Variants in KCNIP3 observed in about 807,000 individuals in gnomAD.
The protein encoded by KCNIP3 is calsenilin.
In KCNIP3, 28 loss-of-function variants were observed where a neutral mutation model predicts 35.0. The observed-to-expected ratio is 0.80, with a 90% CI of 0.59 to 1.10. The LOEUF (loss-of-function observed/expected upper bound fraction) is 1.10. Among genes scored for constraint, KCNIP3 ranks in the 50% least tolerant of loss-of-function variants. The pLI is 0.00. For synonymous variants in KCNIP3, 134 were observed against 133.8 expected (o/e 1.00, Z -0.01); for missense variants, 295 against 338.4 (o/e 0.87, Z 1.01).
chr2:95,298,228 C>CT (rs1677925509), intron 1 of KCNIP3, among the ~76,000 whole-genome samples: 1 of 151,444 alleles, frequency 6.6e-6, no homozygotes, highest in Non-Finnish European at 1.5e-5. Context: ...CAGGATAGTT[C>CT]AGGTCTGGCT....
At chr2:95,299,695 C>T (rs539302307) in intron 1 of KCNIP3, among the ~76,000 whole-genome samples, 4 of 152,358 alleles carry the variant, frequency 2.6e-5, no homozygotes, top group Admixed American at 1.3e-4. Flanking sequence ...CAGCTCAGCC[C>T]GTGCACTGGG....
intron 1 of KCNIP3, among the ~76,000 whole-genome samples, chr2:95,304,610 C>T (rs1325703922): frequency 1.3e-5 from 2 of 152,208 alleles, no homozygotes; most frequent in East Asian, 3.9e-4. Flanking sequence ...CCCCAGGGAC[C>T]CTGGCAAGCT....
rs1000670288 is a variant in KCNIP3 at position 95,376,187 on chromosome 2, G to A, written c.447+979G>A. ...TGAAATACCAACCCCACAGCACACA[G>A]AAAACACCCGGTTAGCATGGAGGAG... On this transcript the variant is annotated intron_variant, in intron 5 of 8. Coordinates refer to ENST00000295225, the MANE Select transcript of KCNIP3 (RefSeq NM_013434.5). The surrounding 1 kb of genome is among the most constrained non-coding windows in gnomAD (Gnocchi z 4.2). Among the ~76,000 whole-genome samples, 3 of 152,188 alleles carry A rather than the reference G, an allele frequency of 2.0e-5. No individual in the cohort carries two copies. Among genetic ancestry groups the A allele is most frequent in the African/African-American group, 7.2e-5 (3 of 41,442 alleles).
At chr2:95,325,929 A>AGG (rs1160081747) in intron 2 of KCNIP3, among the ~76,000 whole-genome samples, 7 of 149,632 alleles carry the variant, frequency 4.7e-5, no homozygotes, top group African/African-American at 1.8e-4. Flanking sequence ...ACACACTCAT[A>AGG]CACATACACA....
intron 2 of KCNIP3, among the ~76,000 whole-genome samples, chr2:95,365,772 T>C (rs1679903376): frequency 6.6e-6 from 1 of 152,148 alleles, no homozygotes; most frequent in Non-Finnish European, 1.5e-5. Context: ...CCTTGACCCA[T>C]TTACAGCCTC....
intron 2 of KCNIP3, among the ~76,000 whole-genome samples, chr2:95,327,699 G>A (rs1017386324): frequency 1.3e-5 from 2 of 152,300 alleles, no homozygotes; most frequent in South Asian, 2.1e-4. Context: ...CGTCACCATC[G>A]CCCCCATCTT....
intron 2 of KCNIP3, among the ~76,000 whole-genome samples, chr2:95,327,378 C>T (rs1371211853): frequency 6.6e-6 from 1 of 152,176 alleles, no homozygotes; most frequent in Non-Finnish European, 1.5e-5. Context: ...CACACATTCA[C>T]ACACACGCAC....
intron 2 of KCNIP3, among the ~76,000 whole-genome samples, chr2:95,362,210 G>A (rs1326034811): frequency 1.1e-4 from 17 of 151,838 alleles, no homozygotes; most frequent in Admixed American, 1.0e-3. Context: ...GGGTTCAAGC[G>A]ATTCTCCTGC....
At position 95,382,815 on chromosome 2, in the gene KCNIP3, T is replaced by C. The variant is rs1680382471; in HGVS notation, c.660+334T>C. 6.6e-6 allele frequency among the ~76,000 whole-genome samples: 1 copy of C among 152,206 alleles called. No individual in the cohort carries two copies. The highest frequency in any genetic ancestry group is 1.5e-5 in the Non-Finnish European group (1 of 68,030). On this transcript the variant is annotated intron_variant, in intron 7 of 8. Transcript: ENST00000295225. The surrounding 1 kb of genome is among the most constrained non-coding windows in gnomAD (Gnocchi z 4.5). ...GGTTGGGGGCCTTCACCTGTATGCATGGCGGCTGCAGGGGCTGCAGGCTTT... is the reference window on the plus strand; with the variant it reads ...GGTTGGGGGCCTTCACCTGTATGCACGGCGGCTGCAGGGGCTGCAGGCTTT...
chr2:95,335,346 G>T (rs1679036262), intron 2 of KCNIP3, among the ~76,000 whole-genome samples: 1 of 152,176 alleles, frequency 6.6e-6, no homozygotes, highest in Non-Finnish European at 1.5e-5. Flanking sequence ...TTTTTGCTGG[G>T]TATAGATTTC....
chr2:95,310,899 C>T (rs1029005359), intron 2 of KCNIP3: 28 of 301,938 alleles, frequency 9.3e-5, no homozygotes, highest in African/African-American at 6.0e-4. Context: ...CGTGAGAAGC[C>T]AGGCTGGAAC....
intron 2 of KCNIP3, among the ~76,000 whole-genome samples, chr2:95,320,430 G>T (rs1678564782): frequency 6.6e-6 from 1 of 152,086 alleles, no homozygotes; most frequent in Non-Finnish European, 1.5e-5. Flanking sequence ...AGGGTGTGGT[G>T]GGGTGTGGGC....
chr2:95,373,687 G>T (rs929708327), intron 2 of KCNIP3, among the ~76,000 whole-genome samples: 3 of 152,122 alleles, frequency 2.0e-5, no homozygotes, highest in African/African-American at 7.2e-5. Flanking sequence ...CAAAGTGCTG[G>T]GATTACAGGT....
chr2:95,313,325 A>T (rs1177232571), intron 2 of KCNIP3: 1 of 152,326 alleles, frequency 6.6e-6, no homozygotes, highest in Non-Finnish European at 1.5e-5. Flanking sequence ...CAAGGGCTAG[A>T]GCATCTGTGG....
intron 2 of KCNIP3, among the ~76,000 whole-genome samples, chr2:95,349,596 G>T (rs2104270612): frequency 1.3e-5 from 2 of 152,298 alleles, no homozygotes; most frequent in South Asian, 4.1e-4. Context: ...TTGATCCATG[G>T]ACAAGGGGGC....
intron 1 of KCNIP3, among the ~76,000 whole-genome samples, chr2:95,309,957 C>T (rs1239640323): frequency 6.6e-6 from 1 of 152,178 alleles, no homozygotes; most frequent in Non-Finnish European, 1.5e-5. Flanking sequence ...GCTGTGTGAC[C>T]CTGTACAGAT....
intron 2 of KCNIP3, among the ~76,000 whole-genome samples, chr2:95,355,461 C>T (rs1679633928): frequency 1.3e-5 from 2 of 152,164 alleles, no homozygotes; most frequent in African/African-American, 4.8e-5. Flanking sequence ...TCATCATTTA[C>T]ATTAGGTATT....
intron 1 of KCNIP3, among the ~76,000 whole-genome samples, chr2:95,305,442 A>G (rs1010083734): frequency 5.3e-5 from 8 of 152,182 alleles, no homozygotes; most frequent in Non-Finnish European, 8.8e-5. Flanking sequence ...CTACAACACA[A>G]TAGCACAACT....
chr2:95,301,957 T>A (rs1484656422), intron 1 of KCNIP3, among the ~76,000 whole-genome samples: 1 of 152,106 alleles, frequency 6.6e-6, no homozygotes, highest in African/African-American at 2.4e-5. Context: ...CAGGGACTCA[T>A]GACAACCTCG....
Sources: gnomAD v4.1 joint callset for allele counts (sites outside exome capture counted in the v4.1 genomes callset) on GRCh38, gnomAD v4.1.1 for gene constraint, Gnocchi (gnomAD v3.1) non-coding constraint, MANE v1.5 for transcripts, NCBI Gene and HGNC (gene_info 2026-07-23, HGNC 2026-07-21) for gene names.